CFAP20DC: variants seen among roughly 807,000 people sequenced by gnomAD.
The protein encoded by CFAP20DC is protein CFAP20DC.
A neutral mutation model predicts 101.7 loss-of-function variants in CFAP20DC; 84 were observed. The ratio of observed to expected loss-of-function variants is 0.83; its 90% CI spans 0.69 to 0.99. The LOEUF is 0.99. Ranked by LOEUF, CFAP20DC falls within the 50% of genes least tolerant of loss-of-function variation. The probability of loss-of-function intolerance (pLI) is 0.00; values close to 1 mark genes in which losing one functional copy is unlikely to be tolerated. For synonymous variants in CFAP20DC, 359 were observed against 351.2 expected (o/e 1.02, Z -0.25); for missense variants, 1,007 against 970.3 (o/e 1.04, Z -0.50).
At chr3:58,956,293 G>A (rs1026433002) in intron 4 of CFAP20DC, among the ~76,000 whole-genome samples, 98 of 152,022 alleles carry the variant, frequency 6.4e-4, no homozygotes, top group African/African-American at 2.2e-3. Flanking sequence ...GGCCAGAGGG[G>A]AGCCCATTTT....
rs1267217200 is a variant in CFAP20DC at position 58,863,813 on chromosome 3, G to A, written c.1338C>T (p.Asp446=). The change falls in exon 12 of 17, where the codon GAC becomes GAT. Residue 446 remains aspartate (D), a synonymous_variant. Transcript: ENST00000482387. The surrounding 1 kb of genome is among the most constrained non-coding windows in gnomAD (Gnocchi z 5.9). ...GCCACAGGTGTGATGGGTTGCAGGA[G>A]TCATCACCCAGAAGTAGAGACTGTC... The part of the protein sequence containing the change: ...SSRQSLLLGD[D]SCNPSHLWLE... 3 of 1,614,052 alleles carry A rather than the reference G, an allele frequency of 1.9e-6. No individual in the cohort carries two copies. Among genetic ancestry groups the A allele is most frequent in the African/African-American group, 1.3e-5 (1 of 74,926 alleles).
chr3:58,945,058 T>C (rs2089160417), intron 4 of CFAP20DC, among the ~76,000 whole-genome samples: 1 of 152,222 alleles, frequency 6.6e-6, no homozygotes, highest in African/African-American at 2.4e-5. Flanking sequence ...AAGCACTCTA[T>C]ATACTTTATC....
intron 13 of CFAP20DC, among the ~76,000 whole-genome samples, chr3:58,848,143 T>G (rs1246432555): frequency 9.2e-6 from 1 of 108,332 alleles, no homozygotes; most frequent in Non-Finnish European, 1.8e-5. Flanking sequence ...AATGTGCACA[T>G]GTACCCTAAA....
intron 12 of CFAP20DC, among the ~76,000 whole-genome samples, chr3:58,856,608 G>A (rs955446659): frequency 1.1e-4 from 17 of 152,148 alleles, no homozygotes; most frequent in African/African-American, 3.9e-4. Flanking sequence ...AAACTCGAAA[G>A]ACTGTCAGAG....
chr3:58,875,724 T>G (rs2080692991), intron 7 of CFAP20DC, among the ~76,000 whole-genome samples: 1 of 152,168 alleles, frequency 6.6e-6, no homozygotes. Context: ...GCTTAGCCTA[T>G]TGTAGATAAT....
intron 15 of CFAP20DC, among the ~76,000 whole-genome samples, chr3:58,797,061 T>C (rs1225763020): frequency 1.3e-5 from 2 of 152,166 alleles, no homozygotes; most frequent in African/African-American, 4.8e-5. Flanking sequence ...GGCACAGCAA[T>C]ATTGAAATTA....
At chr3:59,045,797 T>C (rs1699806139) in intron 3 of CFAP20DC, among the ~76,000 whole-genome samples, 1 of 152,170 alleles carries the variant, frequency 6.6e-6, no homozygotes, top group East Asian at 1.9e-4. Flanking sequence ...AATTAATTTC[T>C]TGTATTTAGG....
intron 14 of CFAP20DC, among the ~76,000 whole-genome samples, chr3:58,813,914 G>A (rs966165545): frequency 4.6e-5 from 7 of 151,904 alleles, no homozygotes; most frequent in East Asian, 1.9e-4. Context: ...TAAGACTTTC[G>A]GCAATTTGCA....
chr3:58,836,485 C>A (rs897374327), intron 13 of CFAP20DC, among the ~76,000 whole-genome samples: 1 of 152,078 alleles, frequency 6.6e-6, no homozygotes, highest in African/African-American at 2.4e-5. Context: ...TTGGGTGACA[C>A]AAGGCTAAAT....
Position 58,742,586 on chromosome 3 carries a change from G to GA in CFAP20DC, c.2333-15dup, listed in dbSNP as rs759919889. Reference sequence around the variant, plus strand: ...GGTCTTCTTCACCTGTGGGGAAGGGGAACCACAGACACATTAGCTGTTGGC... The same window carrying GA: ...GGTCTTCTTCACCTGTGGGGAAGGGGAAACCACAGACACATTAGCTGTTGGC... On this transcript the variant is annotated splice_polypyrimidine_tract_variant and intron_variant, in intron 16 of 16. Coordinates refer to ENST00000482387, the MANE Select transcript of CFAP20DC (RefSeq NM_001394063.1). The GA allele has an allele frequency of 1.2e-5, 19 of 1,585,358 alleles. No individual in the cohort carries two copies. In the East Asian group the frequency reaches 4.1e-4, roughly 34 times the overall value.
At chr3:58,944,780 A>G (rs2089121588) in intron 4 of CFAP20DC, among the ~76,000 whole-genome samples, 1 of 152,048 alleles carries the variant, frequency 6.6e-6, no homozygotes, top group Non-Finnish European at 1.5e-5. Context: ...CAGTTTTCCA[A>G]TAGGTTACAA....
At chr3:58,770,360 C>T (rs529695286) in intron 15 of CFAP20DC, among the ~76,000 whole-genome samples, 2 of 152,246 alleles carry the variant, frequency 1.3e-5, no homozygotes, top group East Asian at 1.9e-4. Flanking sequence ...ATGCGGGGTA[C>T]TGAGGAGTAA....
chr3:58,774,226 A>G (rs970577831), intron 15 of CFAP20DC, among the ~76,000 whole-genome samples: 8 of 152,202 alleles, frequency 5.3e-5, no homozygotes, highest in African/African-American at 1.7e-4. Flanking sequence ...CAATTTAATC[A>G]ACATGCAAAG....
intron 6 of CFAP20DC, among the ~76,000 whole-genome samples, chr3:58,886,907 A>G (rs140569557): frequency 6.6e-6 from 1 of 152,150 alleles, no homozygotes. Context: ...TTTTGTGTGT[A>G]TATATGTGAC....
At chr3:58,850,931 G>T (rs529407270) in intron 12 of CFAP20DC, among the ~76,000 whole-genome samples, 2 of 152,098 alleles carry the variant, frequency 1.3e-5, no homozygotes, top group Non-Finnish European at 2.9e-5. Context: ...GGCAGTCTCC[G>T]GTGAAATCTT....
At chr3:58,802,673 C>T (rs2073795679) in intron 15 of CFAP20DC, among the ~76,000 whole-genome samples, 2 of 152,184 alleles carry the variant, frequency 1.3e-5, no homozygotes, top group African/African-American at 2.4e-5. Flanking sequence ...AAAATGATTA[C>T]TGTTGCATCC....
At position 58,932,594 on chromosome 3, in the gene CFAP20DC, C is replaced by G. The variant is rs1009790085; in HGVS notation, c.393+5054G>C. Among the ~76,000 whole-genome samples the G allele has an allele frequency of 1.3e-4, 20 of 152,242 alleles. No individual in the cohort carries two copies. The Middle Eastern group carries it at 0.01, about 78-fold the overall frequency. Reference sequence around the variant, plus strand: ...GTTCTCTCGGCAGAAACTCTACAAGCCAGAAGAGAGTGGGGGCCAATATTC... The same window carrying G: ...GTTCTCTCGGCAGAAACTCTACAAGGCAGAAGAGAGTGGGGGCCAATATTC... On this transcript the variant is annotated intron_variant, in intron 5 of 16. Transcript: ENST00000482387.
chr3:58,941,825 G>T (rs2088642000), intron 4 of CFAP20DC, among the ~76,000 whole-genome samples: 1 of 152,098 alleles, frequency 6.6e-6, no homozygotes, highest in Non-Finnish European at 1.5e-5. Flanking sequence ...CAAAGTGCTG[G>T]GATTACAGAC....
At chr3:58,838,243 ATATTGAG>A (rs2076871982) in intron 13 of CFAP20DC, among the ~76,000 whole-genome samples, 2 of 152,110 alleles carry the variant, frequency 1.3e-5, no homozygotes, top group South Asian at 2.1e-4. Flanking sequence ...AAGGGTTGCT[ATATTGAG>A]TTACATAGCA....
Sources: gnomAD v4.1 joint callset for allele counts (sites outside exome capture counted in the v4.1 genomes callset) on GRCh38, gnomAD v4.1.1 for gene constraint, Gnocchi (gnomAD v3.1) non-coding constraint, MANE v1.5 for transcripts, NCBI Gene and HGNC (gene_info 2026-07-23, HGNC 2026-07-21) for gene names.